Variants in GAS7 observed in about 807,000 individuals in gnomAD.
The protein encoded by GAS7 is growth arrest specific 7, also known as growth arrest-specific protein 7.
In GAS7, 28 loss-of-function variants were observed where a neutral mutation model predicts 71.1. That is an observed-to-expected ratio of 0.39 (90% confidence interval 0.29 to 0.54). GAS7 has a LOEUF of 0.54. Ranked by LOEUF, GAS7 falls within the 20% of genes least tolerant of loss-of-function variation. The probability of loss-of-function intolerance (pLI) is 0.62; values close to 1 mark genes in which losing one functional copy is unlikely to be tolerated. For synonymous variants in GAS7, 258 were observed against 245.8 expected (o/e 1.05, Z -0.46); for missense variants, 436 against 627.8 (o/e 0.69, Z 3.27).
intron 1 of GAS7, among the ~76,000 whole-genome samples, chr17:10,162,566 G>A (rs1411377617): frequency 1.3e-5 from 2 of 152,232 alleles, no homozygotes; most frequent in East Asian, 3.9e-4. Flanking sequence ...TTAAAAGTTT[G>A]ATCTTTTCAT....
chr17:10,131,530 A>T (rs2073997044), intron 1 of GAS7, among the ~76,000 whole-genome samples: 1 of 152,184 alleles, frequency 6.6e-6, no homozygotes, highest in African/African-American at 2.4e-5. Context: ...GCTGAGGCAC[A>T]AGAATCGCTT....
At chr17:10,024,486 C>A (rs2072391853) in intron 1 of GAS7, among the ~76,000 whole-genome samples, 1 of 152,168 alleles carries the variant, frequency 6.6e-6, no homozygotes, top group Non-Finnish European at 1.5e-5. Context: ...TGGGGACAGA[C>A]CCCACCTGGA....
Position 10,051,228 on chromosome 17 carries a change from T to C in GAS7, c.184-31331A>G, listed in dbSNP as rs565174853. ...GAAACAATGGTAGGTACATATTAGC[T>C]TCATCCCATACTTTTCCATCCCCTT... On this transcript the variant is annotated intron_variant, in intron 1 of 13. Transcript: ENST00000432992. Among the ~76,000 whole-genome samples the C allele has an allele frequency of 1.3e-3, 194 of 152,336 alleles. 2 individuals carry two copies. Among genetic ancestry groups the C allele is most frequent in the South Asian group, 9.9e-3 (48 of 4,828 alleles).
intron 1 of GAS7, among the ~76,000 whole-genome samples, chr17:10,059,168 G>A (rs1010822098): frequency 1.3e-5 from 2 of 152,170 alleles, no homozygotes; most frequent in African/African-American, 2.4e-5. Context: ...CTGGCAGAGC[G>A]TGTCACCTCT....
intron 1 of GAS7, among the ~76,000 whole-genome samples, chr17:10,030,369 T>G (rs2072586292): frequency 6.6e-6 from 1 of 152,234 alleles, no homozygotes; most frequent in Admixed American, 6.5e-5. Context: ...TTTGTAAGCC[T>G]TCAAAGGGTT....
At chr17:10,001,552 G>A (rs533859010) in intron 2 of GAS7, among the ~76,000 whole-genome samples, 22 of 152,238 alleles carry the variant, frequency 1.4e-4, no homozygotes, top group Admixed American at 1.3e-3. Context: ...GGCCATCAGG[G>A]TTGTCTCTCA....
chr17:9,947,955 C>T (rs1433574920), intron 5 of GAS7, among the ~76,000 whole-genome samples: 2 of 152,100 alleles, frequency 1.3e-5, no homozygotes, highest in African/African-American at 2.4e-5. Flanking sequence ...GGATGAAGAC[C>T]TTGAGGATGA....
At chr17:10,030,717 C>T (rs138521915) in intron 1 of GAS7, among the ~76,000 whole-genome samples, 68 of 152,332 alleles carry the variant, frequency 4.5e-4, no homozygotes, top group East Asian at 2.3e-3. Context: ...AAATGTCCTC[C>T]GGCCTCTTCC....
At chr17:10,020,026 CCT>C (rs975470493) in intron 1 of GAS7, 129 bp from the exon 2 acceptor site, 87 of 874,482 alleles carry the variant, frequency 9.9e-5, no homozygotes, top group Admixed American at 6.6e-5. Flanking sequence ...CCCATAAACC[CCT>C]GAGGTCAGAG....
chr17:10,179,277 C>T (rs1183033092), intron 1 of GAS7, among the ~76,000 whole-genome samples: 2 of 151,538 alleles, frequency 1.3e-5, no homozygotes, highest in Non-Finnish European at 2.9e-5. Flanking sequence ...TGCAGTGAGC[C>T]GAGATCGATC....
Position 10,143,097 on chromosome 17 carries a change from G to A in GAS7, c.183+55111C>T, listed in dbSNP as rs151271636. Among the ~76,000 whole-genome samples, 756 of 152,024 alleles carry A rather than the reference G, an allele frequency of 5.0e-3. 4 individuals carry two copies. Among genetic ancestry groups the A allele is most frequent in the African/African-American group, 0.018 (726 of 41,468 alleles). Reference sequence around the variant, plus strand: ...CCTGGGAGGCTGAGGCGGGAGAATCGCTTGAACCCGGGACTCGGAGGTTTC... The same window carrying A: ...CCTGGGAGGCTGAGGCGGGAGAATCACTTGAACCCGGGACTCGGAGGTTTC... On this transcript the variant is annotated intron_variant, in intron 1 of 13. Coordinates refer to ENST00000432992, the MANE Select transcript of GAS7 (RefSeq NM_201433.2).
intron 1 of GAS7, among the ~76,000 whole-genome samples, chr17:10,084,969 G>A (rs183276103): frequency 8.7e-4 from 133 of 152,234 alleles, no homozygotes; most frequent in African/African-American, 3.1e-3. Context: ...TTTAAATTAT[G>A]GGTAAGAGGA....
At chr17:10,178,895 G>A (rs1168310525) in intron 1 of GAS7, among the ~76,000 whole-genome samples, 1 of 151,860 alleles carries the variant, frequency 6.6e-6, no homozygotes, top group Non-Finnish European at 1.5e-5. Flanking sequence ...TGAGCAGAGA[G>A]AGCCCTACAA....
intron 1 of GAS7, among the ~76,000 whole-genome samples, chr17:10,056,449 C>G (rs978578121): frequency 2.0e-5 from 3 of 152,004 alleles, no homozygotes; most frequent in African/African-American, 7.2e-5. Flanking sequence ...GAACTATGAG[C>G]ATGCCACTGC....
chr17:10,123,931 G>A (rs1331116562), intron 1 of GAS7, among the ~76,000 whole-genome samples: 2 of 152,234 alleles, frequency 1.3e-5, no homozygotes, highest in African/African-American at 2.4e-5. Flanking sequence ...GCCACACAAT[G>A]CACAAGAGGC....
intron 1 of GAS7, among the ~76,000 whole-genome samples, chr17:10,133,506 G>A (rs1436409264): frequency 1.3e-5 from 2 of 152,068 alleles, no homozygotes; most frequent in Non-Finnish European, 2.9e-5. Flanking sequence ...ACTGTGGAGT[G>A]GCTCAACTGA....
At position 10,136,566 on chromosome 17, in the gene GAS7, G is replaced by C. The variant is rs79226398; in HGVS notation, c.183+61642C>G. Among the ~76,000 whole-genome samples the C allele has an allele frequency of 4.0e-3, 615 of 152,228 alleles. 4 individuals carry two copies. Among genetic ancestry groups the C allele is most frequent in the Non-Finnish European group, 6.6e-3 (448 of 68,016 alleles). On this transcript the variant is annotated intron_variant, in intron 1 of 13. Coordinates refer to ENST00000432992, the MANE Select transcript of GAS7 (RefSeq NM_201433.2). ...ATCCAGACAGCACCTCCTGCAAAAA[G>C]GGACTCAAATCCTCCACATGACACC...
At chr17:10,059,167 C>T (rs1200328630) in intron 1 of GAS7, among the ~76,000 whole-genome samples, 1 of 152,174 alleles carries the variant, frequency 6.6e-6, no homozygotes, top group Non-Finnish European at 1.5e-5. Flanking sequence ...TCTGGCAGAG[C>T]GTGTCACCTC....
At chr17:10,060,192 C>T (rs1002190921) in intron 1 of GAS7, among the ~76,000 whole-genome samples, 5 of 152,206 alleles carry the variant, frequency 3.3e-5, no homozygotes, top group Admixed American at 1.3e-4. Context: ...AGCCCTGGTG[C>T]TTTAGTAAGG....
Sources: gnomAD v4.1 joint callset for allele counts (sites outside exome capture counted in the v4.1 genomes callset) on GRCh38, gnomAD v4.1.1 for gene constraint, MANE v1.5 for transcripts, NCBI Gene and HGNC (gene_info 2026-07-23, HGNC 2026-07-21) for gene names.